Variants in TRPM3 observed in about 807,000 individuals in gnomAD.
TRPM3 encodes the protein transient receptor potential cation channel subfamily M member 3.
A neutral mutation model predicts 181.2 loss-of-function variants in TRPM3; 77 were observed. The observed-to-expected ratio is 0.42, with a 90% confidence interval of 0.35 to 0.51. The LOEUF is 0.51. TRPM3 is among the 20% of genes least tolerant of loss of function. TRPM3 has a pLI of 0.01. For missense variants in TRPM3, 1,759 were observed against 2,196.7 expected, an observed-to-expected ratio of 0.80 and a Z score of 3.98; for synonymous variants, 745 against 796.4, an observed-to-expected ratio of 0.94 and a Z score of 1.09.
intron 1 of TRPM3, chr9:70,917,446 G>C: frequency 1.3e-6 from 1 of 777,694 alleles, no homozygotes; most frequent in Non-Finnish European, 2.3e-6. Flanking sequence ...CCAGACTGGA[G>C]TGGAACAAGG....
chr9:70,884,040 G>T (rs1262324230), intron 1 of TRPM3, among the ~76,000 whole-genome samples: 1 of 146,690 alleles, frequency 6.8e-6, no homozygotes, highest in Non-Finnish European at 1.5e-5. Flanking sequence ...ATGTCCCAAG[G>T]TTTTTTTTTT....
intron 3 of TRPM3, among the ~76,000 whole-genome samples, chr9:70,852,591 T>A (rs984658250): frequency 6.6e-6 from 1 of 152,204 alleles, no homozygotes; most frequent in African/African-American, 2.4e-5. Context: ...TCCATTTGAA[T>A]TACAGCAACA....
chr9:70,688,013 T>A (rs1822290792), intron 8 of TRPM3, among the ~76,000 whole-genome samples: 1 of 152,196 alleles, frequency 6.6e-6, no homozygotes, highest in African/African-American at 2.4e-5. Flanking sequence ...CCACATGGGT[T>A]CTTCCTCCTA....
intron 1 of TRPM3, among the ~76,000 whole-genome samples, chr9:71,215,047 C>CAAAAAAAAAAAAAA (rs72383590): frequency 3.6e-5 from 4 of 112,538 alleles, no homozygotes; most frequent in African/African-American, 7.3e-5. Flanking sequence ...AAAAAAAAAA[C>CAAAAAAAAAAAAAA]AAAAAAAAAA....
chr9:71,054,475 G>C (rs567057734), intron 1 of TRPM3, among the ~76,000 whole-genome samples: 1 of 152,194 alleles, frequency 6.6e-6, no homozygotes, highest in African/African-American at 2.4e-5. Flanking sequence ...AAAATTTAAT[G>C]CAGCTCAGCT....
At chr9:70,671,363 G>A (rs1386848338) in intron 9 of TRPM3, among the ~76,000 whole-genome samples, 1 of 151,994 alleles carries the variant, frequency 6.6e-6, no homozygotes, top group Non-Finnish European at 1.5e-5. Context: ...TGGGCTGAGA[G>A]GAGCCTAGTG....
chr9:70,813,626 A>C (rs955666626), intron 6 of TRPM3, among the ~76,000 whole-genome samples: 15 of 152,178 alleles, frequency 9.9e-5, no homozygotes, highest in Non-Finnish European at 1.9e-4. Flanking sequence ...GCTTGTAACA[A>C]AACTGTACCT....
At position 70,792,147 on chromosome 9, in the gene TRPM3, AC is replaced by A. The variant is rs541151024; in HGVS notation, c.974-7869del. On this transcript the variant is annotated intron_variant, in intron 6 of 25. Transcript: ENST00000677713. ...TGCATAGAAGGCGCAGCCCTGCTTG[AC>A]TTTTTTCAAAGCTGGCTGGACTTAC... Among the ~76,000 whole-genome samples the A allele has an allele frequency of 5.9e-5, 9 of 152,188 alleles. No homozygotes were observed. The South Asian group carries it at 1.9e-3, about 32-fold the overall frequency.
chr9:70,864,426 G>A lies in TRPM3; in HGVS notation c.257+6C>T. The A allele has an allele frequency of 6.8e-7, 1 of 1,467,784 alleles. No individual in the cohort carries two copies. Among genetic ancestry groups the A allele is most frequent in the South Asian group, 1.6e-5 (1 of 63,372 alleles). The allele number at this position is 1,467,784 out of a possible 1,614,324, so 90.9% of individuals were successfully genotyped here. On this transcript the variant is annotated splice_donor_region_variant and intron_variant, in intron 2 of 25. Coordinates refer to ENST00000677713, the MANE Select transcript of TRPM3 (RefSeq NM_001366145.2). ...ATGTTCTCAACATTATAGACAGCAA[G>A]ATTACCTATGGGGGTCTTTGGTGCT...
Position 70,904,892 on chromosome 9 carries a change from G to A in TRPM3, c.178-40381C>T, listed in dbSNP as rs541821716. ...CTAACAATTTTGTTTATATGTCAGA[G>A]CTTAAAGTTTTCTTATGGCTGGGGA... On this transcript the variant is annotated intron_variant, in intron 1 of 25. Coordinates refer to ENST00000677713, the MANE Select transcript of TRPM3 (RefSeq NM_001366145.2). Among the ~76,000 whole-genome samples, 55 of 152,296 alleles carry A rather than the reference G, an allele frequency of 3.6e-4. 2 individuals carry two copies. The highest frequency in any genetic ancestry group is 1.2e-3 in the African/African-American group (51 of 41,560).
chr9:71,059,156 G>A (rs1014088917), intron 1 of TRPM3, among the ~76,000 whole-genome samples: 36 of 150,606 alleles, frequency 2.4e-4, no homozygotes, highest in African/African-American at 7.6e-4. Context: ...GAAGGAATGC[G>A]TTAAACATAA....
At chr9:70,663,576 C>G (rs2061415608) in intron 9 of TRPM3, among the ~76,000 whole-genome samples, 1 of 152,002 alleles carries the variant, frequency 6.6e-6, no homozygotes, top group Non-Finnish European at 1.5e-5. Context: ...TCATTTGAGC[C>G]TTTTTCATAT....
chr9:70,596,036 T>G (rs1013187926), intron 21 of TRPM3, among the ~76,000 whole-genome samples: 3 of 152,332 alleles, frequency 2.0e-5, no homozygotes, highest in Non-Finnish European at 4.4e-5. Context: ...CAATTTTTCC[T>G]TTCTTTCATT....
intron 9 of TRPM3, among the ~76,000 whole-genome samples, chr9:70,672,773 A>T (rs1472125861): frequency 4.6e-5 from 7 of 151,788 alleles, no homozygotes; most frequent in African/African-American, 1.5e-4. Flanking sequence ...AATAATTACT[A>T]GTTGTACTTT....
chr9:71,124,352 A>T (rs1675124738), upstream of TRPM3, among the ~76,000 whole-genome samples: 1 of 151,688 alleles, frequency 6.6e-6, no homozygotes, highest in African/African-American at 2.4e-5. Context: ...CCCAGATATT[A>T]GCATCTCACA....
At chr9:71,074,058 G>A (rs1461868928) in intron 1 of TRPM3, among the ~76,000 whole-genome samples, 8 of 151,952 alleles carry the variant, frequency 5.3e-5, no homozygotes, top group Non-Finnish European at 8.8e-5. Context: ...GTTACAACAC[G>A]CATTTTTCTC....
intron 25 of TRPM3, among the ~76,000 whole-genome samples, chr9:70,539,695 T>G (rs2042769887): frequency 6.6e-6 from 1 of 152,184 alleles, no homozygotes; most frequent in Non-Finnish European, 1.5e-5. Context: ...CCTATAAACA[T>G]AGCCCAAGAA....
At chr9:71,128,992 T>C (rs143398977) in intron 1 of TRPM3, among the ~76,000 whole-genome samples, 1 of 152,288 alleles carries the variant, frequency 6.6e-6, no homozygotes, top group East Asian at 1.9e-4. Flanking sequence ...GGTTGGACCA[T>C]AAGGTCCGCT....
At chr9:70,616,947 A>G (rs2062877410) in intron 17 of TRPM3, among the ~76,000 whole-genome samples, 1 of 152,094 alleles carries the variant, frequency 6.6e-6, no homozygotes. Flanking sequence ...CTCTTCTCTC[A>G]ATCCTAAAAC....
Sources: allele counts gnomAD v4.1 joint callset (sites outside exome capture counted in the v4.1 genomes callset), GRCh38; gene constraint gnomAD v4.1.1; transcripts MANE v1.5; gene names NCBI Gene and HGNC (gene_info 2026-07-23, HGNC 2026-07-21).